Variants in SBF2 observed in about 807,000 individuals in gnomAD.
SBF2 encodes the protein SET binding factor 2.
Under a neutral mutation model 225.2 loss-of-function variants are expected in SBF2, and 112 were observed. The ratio of observed to expected loss-of-function variants is 0.50; its 90% confidence interval spans 0.43 to 0.58. The LOEUF is 0.58. SBF2 is among the 20% of genes least tolerant of loss of function. The pLI is 0.00. For synonymous variants in SBF2, 763 were observed against 773.3 expected, an observed-to-expected ratio of 0.99 and a Z score of 0.22; for missense variants, 1,996 against 2,206.2, an observed-to-expected ratio of 0.90 and a Z score of 1.91.
Position 9,779,423 on chromosome 11 carries a change from C to G in SBF2, c.*995G>C, listed in dbSNP as rs1013875313. On this transcript the variant is annotated 3_prime_UTR_variant, in exon 40 of 40. Transcript: ENST00000256190. Reference sequence around the variant, plus strand: ...TCTTGGGTCTTAAGCTAAACAATCACAAGTTATCAAAGTAAAGAAAATCTA... The same window carrying G: ...TCTTGGGTCTTAAGCTAAACAATCAGAAGTTATCAAAGTAAAGAAAATCTA... 1 of 152,632 alleles carries G rather than the reference C, an allele frequency of 6.6e-6. No homozygotes were observed. 9.5% of individuals were successfully genotyped at this position (152,632 alleles called of 1,614,324 possible).
chr11:10,136,708 T>C (rs1954372239), intron 2 of SBF2, among the ~76,000 whole-genome samples: 1 of 152,226 alleles, frequency 6.6e-6, no homozygotes, highest in Non-Finnish European at 1.5e-5. Flanking sequence ...TGTCAAAAAC[T>C]GAGTTAAACT....
rs745778131 is a variant in SBF2 at position 9,839,553 on chromosome 11, T to G, written c.3400A>C (p.Arg1134=). ...GTISGSSSRS[R]PEYFRITASN... is the part of the protein sequence containing the mutation. The stretch of plus-strand genomic sequence containing the variant: ...GCAGTAATTCTAAAATACTCGGGTC[T>G]TGAACGGGAAGAGCTGCCACTTATG... The change falls in exon 26 of 40, where the codon AGA becomes CGA. Residue 1134 remains arginine (R), a synonymous_variant. Coordinates refer to ENST00000256190, the MANE Select transcript of SBF2 (RefSeq NM_030962.4). 6 of 1,614,082 alleles carry G rather than the reference T, an allele frequency of 3.7e-6. No individual in the cohort carries two copies. The highest frequency in any genetic ancestry group is 5.1e-6 in the Non-Finnish European group (6 of 1,180,034).
chr11:9,811,741 T>C (rs987982863), intron 30 of SBF2, among the ~76,000 whole-genome samples: 2 of 151,726 alleles, frequency 1.3e-5, no homozygotes, highest in Non-Finnish European at 2.9e-5. Context: ...TGCCTTTTAG[T>C]CCAATGTGCT....
chr11:10,225,685 C>T (rs1194610178), intron 1 of SBF2, among the ~76,000 whole-genome samples: 1 of 152,096 alleles, frequency 6.6e-6, no homozygotes, highest in African/African-American at 2.4e-5. Flanking sequence ...TCCATTCTGT[C>T]ATGAAAGTTC....
chr11:9,871,647 A>G (rs1858756722), intron 17 of SBF2, among the ~76,000 whole-genome samples: 1 of 151,932 alleles, frequency 6.6e-6, no homozygotes, highest in Non-Finnish European at 1.5e-5. Flanking sequence ...GACCGCCACC[A>G]TGCTCAGCTA....
At chr11:10,183,458 G>A (rs1036077630) in intron 2 of SBF2, among the ~76,000 whole-genome samples, 1 of 152,170 alleles carries the variant, frequency 6.6e-6, no homozygotes, top group Non-Finnish European at 1.5e-5. Context: ...ACTTTAATCA[G>A]TCACGGTTTT....
chr11:9,968,218 C>T (rs2134386895), intron 14 of SBF2, 123 bp downstream of exon 14: 1 of 856,582 alleles, frequency 1.2e-6, no homozygotes, highest in East Asian at 2.5e-5. Flanking sequence ...ATTGATAATG[C>T]TCTGATTCTA....
intron 1 of SBF2, among the ~76,000 whole-genome samples, chr11:10,283,013 C>T (rs985466862): frequency 4.6e-5 from 7 of 152,182 alleles, no homozygotes; most frequent in Non-Finnish European, 8.8e-5. Flanking sequence ...TCTCCTCTAT[C>T]CTCTTTTTCA....
intron 14 of SBF2, among the ~76,000 whole-genome samples, chr11:9,966,404 C>A (rs1866914825): frequency 6.6e-6 from 1 of 152,168 alleles, no homozygotes; most frequent in African/African-American, 2.4e-5. Flanking sequence ...AACATATTTT[C>A]TTGTAATAAA....
chr11:9,817,363 G>A (rs1564880353), intron 28 of SBF2, among the ~76,000 whole-genome samples: 2 of 152,060 alleles, frequency 1.3e-5, no homozygotes, highest in Non-Finnish European at 2.9e-5. Flanking sequence ...CTGGCAGGAG[G>A]TACTAATAAA....
intron 1 of SBF2, among the ~76,000 whole-genome samples, chr11:10,245,365 C>T (rs4910112): frequency 0.2 from 29,859 of 151,636 alleles, 3,116 homozygotes; most frequent in Middle Eastern, 0.26. Context: ...GCACAATGAC[C>T]TTGCCATTGA....
intron 7 of SBF2, among the ~76,000 whole-genome samples, chr11:10,001,685 C>T (rs1023000356): frequency 2.6e-5 from 4 of 152,160 alleles, no homozygotes; most frequent in South Asian, 2.1e-4. Flanking sequence ...CCACCATGCC[C>T]GGCTAGCTTT....
intron 16 of SBF2, chr11:9,958,840 A>T: frequency 1.6e-6 from 1 of 626,036 alleles, no homozygotes; most frequent in Non-Finnish European, 3.0e-6. Flanking sequence ...AGAGGCAATG[A>T]TCTTCAAAGT....
intron 1 of SBF2, among the ~76,000 whole-genome samples, chr11:10,258,323 G>T (rs55868496): frequency 0.021 from 3,259 of 152,172 alleles, 91 homozygotes; most frequent in African/African-American, 0.064. Flanking sequence ...GCCCAGACAG[G>T]TCTGAAGCTC....
chr11:9,976,777 G>T (rs1245767731), intron 13 of SBF2, among the ~76,000 whole-genome samples: 4 of 149,242 alleles, frequency 2.7e-5, no homozygotes, highest in African/African-American at 7.4e-5. Flanking sequence ...GTTGTTTTTT[G>T]TTTTTTTTTG....
chr11:10,158,952 TA>T (rs1955592324), intron 2 of SBF2, among the ~76,000 whole-genome samples: 1 of 152,322 alleles, frequency 6.6e-6, no homozygotes, highest in East Asian at 1.9e-4. Context: ...ATTTTAATGA[TA>T]AAAACTCTCA....
chr11:10,014,328 C>T (rs1389535489), intron 6 of SBF2, among the ~76,000 whole-genome samples: 3 of 151,882 alleles, frequency 2.0e-5, no homozygotes, highest in African/African-American at 4.8e-5. Flanking sequence ...TGAGTCTATG[C>T]CATTACTTTT....
At chr11:9,947,824 T>C (rs1029361523) in intron 16 of SBF2, among the ~76,000 whole-genome samples, 1 of 151,888 alleles carries the variant, frequency 6.6e-6, no homozygotes, top group African/African-American at 2.4e-5. Flanking sequence ...ACTGAAACCC[T>C]TGTGCTGGTG....
At chr11:10,222,606 A>C (rs1359995022) in intron 1 of SBF2, among the ~76,000 whole-genome samples, 1 of 152,202 alleles carries the variant, frequency 6.6e-6, no homozygotes, top group African/African-American at 2.4e-5. Context: ...ATTGGGGGGA[A>C]AAAGGAACAG....
Sources: allele counts gnomAD v4.1 joint callset (sites outside exome capture counted in the v4.1 genomes callset), GRCh38; gene constraint gnomAD v4.1.1; transcripts MANE v1.5; gene names NCBI Gene and HGNC (gene_info 2026-07-23, HGNC 2026-07-21).